WWOX: variants seen among roughly 807,000 people sequenced by gnomAD.
The protein encoded by WWOX is WW domain-containing oxidoreductase.
Under a neutral mutation model 46.2 loss-of-function variants are expected in WWOX, and 69 were observed. That is an observed-to-expected ratio of 1.49 (90% CI 1.23 to 1.82). The LOEUF (loss-of-function observed/expected upper bound fraction) is 1.82, where lower values mean the gene tolerates loss of function less well. WWOX is among the 40% of genes most tolerant of loss of function. WWOX has a pLI of 0.00. For synonymous variants in WWOX, 359 were observed against 202.6 expected (o/e 1.77, Z -6.56); for missense variants, 919 against 542.6 (o/e 1.69, Z -6.89).
At chr16:78,913,560 C>T (rs1285216292) in intron 8 of WWOX, among the ~76,000 whole-genome samples, 1 of 151,988 alleles carries the variant, frequency 6.6e-6, no homozygotes, top group African/African-American at 2.4e-5. Context: ...ACTTGTCGAT[C>T]AGAAATACAG....
intron 8 of WWOX, among the ~76,000 whole-genome samples, chr16:78,508,801 G>A (rs561419083): frequency 6.6e-6 from 1 of 152,204 alleles, no homozygotes; most frequent in Non-Finnish European, 1.5e-5. Flanking sequence ...TGATCTGGTG[G>A]CTGGGGTGCC....
intron 8 of WWOX, among the ~76,000 whole-genome samples, chr16:78,778,545 C>G (rs143692000): frequency 1.3e-5 from 2 of 152,136 alleles, no homozygotes; most frequent in East Asian, 3.9e-4. Flanking sequence ...GGTGAGTGTT[C>G]CAAGCTTCTC....
chr16:78,511,725 A>G (rs1345834741), intron 8 of WWOX, among the ~76,000 whole-genome samples: 1 of 152,114 alleles, frequency 6.6e-6, no homozygotes, highest in East Asian at 1.9e-4. Context: ...AGTCTGGGAG[A>G]GGCATGAAAA....
chr16:78,484,018 T>A (rs939253557), intron 8 of WWOX, among the ~76,000 whole-genome samples: 1 of 152,202 alleles, frequency 6.6e-6, no homozygotes, highest in Non-Finnish European at 1.5e-5. Flanking sequence ...AATTTTTGTT[T>A]TCTGTTAAAG....
rs2051761780 is a variant in WWOX at position 79,211,733 on chromosome 16, C to G, written c.1182C>G (p.Ala394=). Residue 394 remains alanine, a synonymous_variant, in exon 9 of 9, where the codon GCC becomes GCG. Transcript: ENST00000566780. ...PSPEAQSEET[A]RTLWALSERL... ...CAGAAGCTCAGAGCGAAGAGACGGC[C>G]CGGACCCTGTGGGCGCTCAGCGAGA... The G allele has an allele frequency of 2.5e-6, 4 of 1,614,098 alleles. No homozygotes were observed. Among genetic ancestry groups the G allele is most frequent in the African/African-American group, 2.7e-5 (2 of 74,942 alleles).
chr16:79,113,624 G>C (rs372881568), intron 8 of WWOX, among the ~76,000 whole-genome samples: 1 of 152,228 alleles, frequency 6.6e-6, no homozygotes, highest in Non-Finnish European at 1.5e-5. Context: ...ATAGCAGTTG[G>C]CTGGAGAAGG....
chr16:78,312,907 A>G (rs62034362), intron 5 of WWOX, among the ~76,000 whole-genome samples: 5,630 of 152,234 alleles, frequency 0.037, 209 homozygotes, highest in African/African-American at 0.092. Flanking sequence ...GTCTATGGGC[A>G]TGTGCTGTGT....
At chr16:78,619,198 T>A (rs1173328515) in intron 8 of WWOX, among the ~76,000 whole-genome samples, 546 of 39,116 alleles carry the variant, frequency 0.014, 133 homozygotes, top group South Asian at 0.017. Context: ...TATATATATA[T>A]ATATATATAT....
At chr16:78,922,282 A>T (rs999712986) in intron 8 of WWOX, among the ~76,000 whole-genome samples, 3 of 151,954 alleles carry the variant, frequency 2.0e-5, no homozygotes, top group South Asian at 4.2e-4. Flanking sequence ...GTTAGGCCCC[A>T]TCCTAAATCA....
chr16:78,353,920 C>T (rs916757360), intron 5 of WWOX, among the ~76,000 whole-genome samples: 1 of 152,208 alleles, frequency 6.6e-6, no homozygotes, highest in Non-Finnish European at 1.5e-5. Context: ...CTTCTGTTCT[C>T]TTTATTTCCT....
chr16:79,069,411 T>G (rs761269029), intron 8 of WWOX, among the ~76,000 whole-genome samples: 4 of 152,194 alleles, frequency 2.6e-5, no homozygotes, highest in Non-Finnish European at 5.9e-5. Flanking sequence ...ACCTTTTTGT[T>G]AAACTGTGGT....
chr16:78,665,126 G>A lies in WWOX; in HGVS notation c.1056+232374G>A, dbSNP rs150425831. On this transcript the variant is annotated intron_variant, in intron 8 of 8. Coordinates refer to ENST00000566780, the MANE Select transcript of WWOX (RefSeq NM_016373.4). Reference sequence around the variant, plus strand: ...ATGGGGACAAAAGATAGCAGAGCCCGGGGCTTTGTGGAATTTTCTGTGGTG... The same window carrying A: ...ATGGGGACAAAAGATAGCAGAGCCCAGGGCTTTGTGGAATTTTCTGTGGTG... Among the ~76,000 whole-genome samples the A allele has an allele frequency of 1.2e-3, 178 of 152,274 alleles. 1 individual carries two copies. Among genetic ancestry groups the A allele is most frequent in the African/African-American group, 4.1e-3 (169 of 41,550 alleles).
intron 8 of WWOX, chr16:78,899,732 A>G (rs2044781937): frequency 1.3e-5 from 2 of 152,200 alleles, no homozygotes; most frequent in Admixed American, 1.3e-4. Flanking sequence ...TAAAAGTTTA[A>G]GGAGATCTCT....
intron 8 of WWOX, among the ~76,000 whole-genome samples, chr16:79,110,518 A>G (rs1342019377): frequency 1.3e-5 from 2 of 152,172 alleles, no homozygotes; most frequent in Non-Finnish European, 2.9e-5. Flanking sequence ...AATTCTGACT[A>G]GTAAAGAGAG....
At chr16:78,535,841 A>G (rs1373362209) in intron 8 of WWOX, among the ~76,000 whole-genome samples, 1 of 152,140 alleles carries the variant, frequency 6.6e-6, no homozygotes, top group East Asian at 1.9e-4. Flanking sequence ...TGCTGCTCAG[A>G]GGTATGACCT....
intron 8 of WWOX, among the ~76,000 whole-genome samples, chr16:78,934,502 C>G (rs1347443355): frequency 6.8e-5 from 8 of 117,914 alleles, no homozygotes; most frequent in Admixed American, 6.3e-4. Flanking sequence ...GTGCGAAACC[C>G]TGTATCAAAA....
intron 8 of WWOX, among the ~76,000 whole-genome samples, chr16:78,740,585 C>A (rs182724012): frequency 6.6e-6 from 1 of 152,072 alleles, no homozygotes; most frequent in Non-Finnish European, 1.5e-5. Flanking sequence ...AGAGAGCACT[C>A]GTCTTTCAGG....
chr16:79,088,502 T>C (rs1222682716), intron 8 of WWOX, among the ~76,000 whole-genome samples: 2 of 152,214 alleles, frequency 1.3e-5, no homozygotes, highest in Non-Finnish European at 2.9e-5. Context: ...GCAAGTCTTA[T>C]CTGGGCCGCT....
chr16:78,906,035 A>C (rs1597132712), intron 8 of WWOX, among the ~76,000 whole-genome samples: 1 of 152,218 alleles, frequency 6.6e-6, no homozygotes, highest in Non-Finnish European at 1.5e-5. Context: ...TGATGGATGA[A>C]TGAATGAATG....
Sources: gnomAD v4.1 joint callset for allele counts (sites outside exome capture counted in the v4.1 genomes callset) on GRCh38, gnomAD v4.1.1 for gene constraint, MANE v1.5 for transcripts, NCBI Gene and HGNC (gene_info 2026-07-23, HGNC 2026-07-21) for gene names.